The following PPP1R12B variants were observed in gnomAD, a reference collection of about 807,000 sequenced individuals.
PPP1R12B encodes the protein protein phosphatase 1 regulatory subunit 12B.
Under a neutral mutation model 126.1 loss-of-function variants are expected in PPP1R12B, and 76 were observed. The ratio of observed to expected loss-of-function variants is 0.60; its 90% CI spans 0.50 to 0.73. PPP1R12B has a LOEUF of 0.73. Among genes scored for constraint, PPP1R12B ranks in the 30% least tolerant of loss-of-function variants. PPP1R12B has a pLI of 0.00. For synonymous variants in PPP1R12B, 356 were observed against 434.7 expected, an observed-to-expected ratio of 0.82 and a Z score of 2.25; for missense variants, 1,052 against 1,205.1, an observed-to-expected ratio of 0.87 and a Z score of 1.88.
At chr1:202,504,641 C>G (rs576542759) in intron 18 of PPP1R12B, among the ~76,000 whole-genome samples, 110 of 152,264 alleles carry the variant, frequency 7.2e-4, no homozygotes, top group Middle Eastern at 3.4e-3. Flanking sequence ...ACAGCTGTTG[C>G]ACTACCTTCC....
At chr1:202,524,589 C>T (rs899960554) in intron 18 of PPP1R12B, among the ~76,000 whole-genome samples, 2 of 152,162 alleles carry the variant, frequency 1.3e-5, no homozygotes, top group African/African-American at 4.8e-5. Flanking sequence ...TAGCTTAGCT[C>T]CCTCTTATGA....
At chr1:202,373,681 C>T (rs548699985) in intron 1 of PPP1R12B, among the ~76,000 whole-genome samples, 18 of 150,268 alleles carry the variant, frequency 1.2e-4, no homozygotes, top group African/African-American at 3.4e-4. Flanking sequence ...TTTCCTTTAA[C>T]GAGAATGTCA....
intron 13 of PPP1R12B, among the ~76,000 whole-genome samples, chr1:202,459,156 A>G (rs1674001401): frequency 6.6e-6 from 1 of 152,230 alleles, no homozygotes; most frequent in South Asian, 2.1e-4. Flanking sequence ...GAGCAAAGCT[A>G]GATATAAAAG....
intron 18 of PPP1R12B, among the ~76,000 whole-genome samples, chr1:202,503,129 G>A (rs866648463): frequency 1.8e-4 from 28 of 152,288 alleles, no homozygotes; most frequent in Middle Eastern, 6.8e-3. Context: ...TAATCCAGGA[G>A]AAAACTGACG....
Position 202,495,156 on chromosome 1 carries a change from A to T in PPP1R12B, c.2146-137A>T, listed in dbSNP as rs1462097744. 9.2e-6 allele frequency: 5 copies of T among 540,580 alleles called. No homozygotes were observed. In the African/African-American group the frequency reaches 1.0e-4, roughly 11 times the overall value. 33.5% of individuals were successfully genotyped at this position (540,580 alleles called of 1,614,324 possible). A position where few individuals can be genotyped will look rare whatever the true frequency, so the allele number is the denominator to read the frequency against. On this transcript the variant is annotated intron_variant, in intron 15 of 23. Coordinates refer to ENST00000608999, the MANE Select transcript of PPP1R12B (RefSeq NM_002481.4). ...AGCTTAGTTCATTTATTGAGTGCCT[A>T]TTACCAGGTACTCAATATTGATCAT...
chr1:202,515,966 A>C (rs1187457599), intron 18 of PPP1R12B, among the ~76,000 whole-genome samples: 1 of 152,226 alleles, frequency 6.6e-6, no homozygotes, highest in African/African-American at 2.4e-5. Context: ...GTGAAGCCTG[A>C]ACCCTGAAAC....
At chr1:202,518,397 A>G (rs186275896) in intron 18 of PPP1R12B, among the ~76,000 whole-genome samples, 12 of 152,306 alleles carry the variant, frequency 7.9e-5, no homozygotes, top group Non-Finnish European at 1.6e-4. Flanking sequence ...AACACTATGA[A>G]TCATAGTTTG....
At chr1:202,507,321 C>CA (rs1205120743) in intron 18 of PPP1R12B, among the ~76,000 whole-genome samples, 1 of 152,178 alleles carries the variant, frequency 6.6e-6, no homozygotes, top group East Asian at 1.9e-4. Flanking sequence ...CAAGCATTAA[C>CA]ACATTAAAAT....
intron 2 of PPP1R12B, among the ~76,000 whole-genome samples, chr1:202,418,826 ATTGT>A (rs547282554): frequency 3.9e-4 from 60 of 152,264 alleles, no homozygotes; most frequent in African/African-American, 1.0e-3. Context: ...AAAAAAAAAC[ATTGT>A]TTGTACTGTT....
intron 1 of PPP1R12B, among the ~76,000 whole-genome samples, chr1:202,387,145 G>A (rs1283061642): frequency 6.6e-6 from 1 of 152,148 alleles, no homozygotes; most frequent in Admixed American, 6.5e-5. Flanking sequence ...TTTGCTCTTG[G>A]CCTTTACTAT....
rs1481238044 is a variant in PPP1R12B, at chr1:202,584,404, G to A, written c.*3844G>A. The A allele has an allele frequency of 6.6e-6, 1 of 152,252 alleles. No individual in the cohort carries two copies. The highest frequency in any genetic ancestry group is 1.5e-5 in the Non-Finnish European group (1 of 68,056). 9.4% of individuals were successfully genotyped at this position (152,252 alleles called of 1,614,324 possible). On this transcript the variant is annotated 3_prime_UTR_variant, in exon 24 of 24. Coordinates refer to ENST00000608999, the MANE Select transcript of PPP1R12B (RefSeq NM_002481.4). ...ATGGTTCCACTCAGGAAGCAAGGAA[G>A]CTAAAACTCAAGTTAATGGTCTGTG... is the stretch of plus-strand genomic sequence containing the variant.
At chr1:202,352,476 A>T (rs1656201659) in intron 1 of PPP1R12B, among the ~76,000 whole-genome samples, 1 of 152,148 alleles carries the variant, frequency 6.6e-6, no homozygotes, top group Non-Finnish European at 1.5e-5. Context: ...ATCTGTGCTG[A>T]GTGTGGTGAG....
At chr1:202,463,807 T>C (rs1674626315) in intron 13 of PPP1R12B, among the ~76,000 whole-genome samples, 1 of 152,184 alleles carries the variant, frequency 6.6e-6, no homozygotes, top group Non-Finnish European at 1.5e-5. Context: ...TGATCGTTAG[T>C]CATTTTAGTT....
At chr1:202,398,142 A>T (rs998058649) in intron 1 of PPP1R12B, among the ~76,000 whole-genome samples, 3 of 152,234 alleles carry the variant, frequency 2.0e-5, no homozygotes, top group African/African-American at 7.2e-5. Context: ...AATTTGGCAG[A>T]TTCTCATAGT....
intron 1 of PPP1R12B, among the ~76,000 whole-genome samples, chr1:202,379,330 A>C (rs1366954054): frequency 6.6e-6 from 1 of 152,228 alleles, no homozygotes; most frequent in Non-Finnish European, 1.5e-5. Context: ...TGTTAACAAT[A>C]GAGGCTGCTG....
At chr1:202,409,252 A>G (rs1244383000) in intron 1 of PPP1R12B, among the ~76,000 whole-genome samples, 1 of 151,948 alleles carries the variant, frequency 6.6e-6, no homozygotes, top group African/African-American at 2.4e-5. Flanking sequence ...GAACTTCCAT[A>G]CTGTTTTCCA....
Position 202,581,684 on chromosome 1 carries a change from A to C in PPP1R12B, c.*1124A>C, listed in dbSNP as rs1218784277. 6.6e-6 allele frequency: 1 copy of C among 152,226 alleles called. No individual in the cohort carries two copies. The highest frequency in any genetic ancestry group is 2.4e-5 in the African/African-American group (1 of 41,462). 9.4% of individuals were successfully genotyped at this position (152,226 alleles called of 1,614,324 possible). A position where few individuals can be genotyped will look rare whatever the true frequency, so the allele number is the denominator to read the frequency against. On this transcript the variant is annotated 3_prime_UTR_variant, in exon 24 of 24. Transcript: ENST00000608999. ...GCAGGCTGGAAAGACACATATGGCG[A>C]AAGTCAAGTATCTGAGGCCACTTGC...
chr1:202,438,033 T>G lies in PPP1R12B; in HGVS notation c.1458+9T>G. Reference sequence around the variant, plus strand: ...TGGACAACAAAGATAAGGTGCAGTTTGGGAGGGTATGGGGGAATTCCAAGG... The same window carrying G: ...TGGACAACAAAGATAAGGTGCAGTTGGGGAGGGTATGGGGGAATTCCAAGG... On this transcript the variant is annotated intron_variant, in intron 10 of 23. Transcript: ENST00000608999. The G allele has an allele frequency of 1.2e-6, 2 of 1,613,826 alleles. No individual in the cohort carries two copies. Among genetic ancestry groups the G allele is most frequent in the African/African-American group, 1.3e-5 (1 of 74,978 alleles).
chr1:202,462,571 C>A (rs752446537), intron 13 of PPP1R12B, among the ~76,000 whole-genome samples: 4 of 152,178 alleles, frequency 2.6e-5, no homozygotes, highest in Non-Finnish European at 5.9e-5. Context: ...CCAACACCTG[C>A]TACTAAAAGC....
Sources: allele counts gnomAD v4.1 joint callset (sites outside exome capture counted in the v4.1 genomes callset), GRCh38; gene constraint gnomAD v4.1.1; transcripts MANE v1.5; gene names NCBI Gene and HGNC (gene_info 2026-07-23, HGNC 2026-07-21).